The following SCFD2 variants were observed in gnomAD, a reference collection of about 807,000 sequenced individuals.
SCFD2 encodes sec1 family domain containing 2.
Under a neutral mutation model 58.9 loss-of-function variants are expected in SCFD2, and 54 were observed. The observed-to-expected ratio is 0.92, with a 90% CI of 0.74 to 1.15. The LOEUF (loss-of-function observed/expected upper bound fraction) is 1.15. Ranked by LOEUF, SCFD2 falls within the 50% of genes most tolerant of loss-of-function variation. SCFD2 has a pLI of 0.00. For synonymous variants in SCFD2, 321 were observed against 335.9 expected (o/e 0.96, Z 0.49); for missense variants, 805 against 836.6 (o/e 0.96, Z 0.47).
At chr4:53,318,465 T>A (rs1732927972) in intron 2 of SCFD2, among the ~76,000 whole-genome samples, 1 of 152,168 alleles carries the variant, frequency 6.6e-6, no homozygotes, top group Non-Finnish European at 1.5e-5. Flanking sequence ...CATCTTTATA[T>A]CTTCAGCAGG....
intron 5 of SCFD2, among the ~76,000 whole-genome samples, chr4:52,930,702 GT>G (rs1289368721): frequency 6.6e-6 from 1 of 152,178 alleles, no homozygotes; most frequent in African/African-American, 2.4e-5. Flanking sequence ...TAAGGGAAGT[GT>G]GGAGAACTAT....
At chr4:53,278,832 C>T (rs1435236507) in intron 3 of SCFD2, among the ~76,000 whole-genome samples, 1 of 150,412 alleles carries the variant, frequency 6.6e-6, no homozygotes, top group East Asian at 1.9e-4. Context: ...TCCTAAAAAT[C>T]CCTAAGAGGC....
chr4:53,142,792 C>T (rs573604591), intron 5 of SCFD2, among the ~76,000 whole-genome samples: 2 of 152,176 alleles, frequency 1.3e-5, no homozygotes, highest in East Asian at 3.9e-4. Context: ...CTATACTGGC[C>T]AAGTAAGTCT....
At chr4:53,243,246 A>C (rs1360309565) in intron 4 of SCFD2, among the ~76,000 whole-genome samples, 1 of 152,198 alleles carries the variant, frequency 6.6e-6, no homozygotes, top group Non-Finnish European at 1.5e-5. Flanking sequence ...TAGGTCACCT[A>C]TACAGGGAAG....
At chr4:52,920,350 C>T (rs767538739) in intron 6 of SCFD2, among the ~76,000 whole-genome samples, 13 of 152,196 alleles carry the variant, frequency 8.5e-5, no homozygotes, top group South Asian at 6.2e-4. Flanking sequence ...AAAATGTTTA[C>T]GGACTGGTTA....
At chr4:53,317,574 C>T (rs1388608540) in intron 2 of SCFD2, among the ~76,000 whole-genome samples, 1 of 152,178 alleles carries the variant, frequency 6.6e-6, no homozygotes, top group East Asian at 1.9e-4. Flanking sequence ...GCGGATTATA[C>T]GTAAATCTTT....
At chr4:53,267,550 G>GT (rs901211624) in intron 4 of SCFD2, among the ~76,000 whole-genome samples, 4 of 152,170 alleles carry the variant, frequency 2.6e-5, no homozygotes, top group African/African-American at 9.6e-5. Context: ...TATTTTAAAT[G>GT]TTTACTTCTT....
At chr4:52,990,145 T>C (rs144807861) in intron 5 of SCFD2, among the ~76,000 whole-genome samples, 171 of 152,160 alleles carry the variant, frequency 1.1e-3, no homozygotes, top group Non-Finnish European at 1.9e-3. Context: ...GAAGCAGGGG[T>C]CAAAAATGAA....
intron 5 of SCFD2, among the ~76,000 whole-genome samples, chr4:53,125,342 CAT>C (rs1240087710): frequency 6.6e-6 from 1 of 152,168 alleles, no homozygotes. Flanking sequence ...CTTCTTCCAG[CAT>C]ATTATAACAC....
intron 4 of SCFD2, among the ~76,000 whole-genome samples, chr4:53,224,474 C>T (rs1577862655): frequency 6.6e-6 from 1 of 152,198 alleles, no homozygotes; most frequent in East Asian, 1.9e-4. Flanking sequence ...TGTAAGAAGT[C>T]TGAATACCCT....
intron 5 of SCFD2, among the ~76,000 whole-genome samples, chr4:53,066,628 T>C (rs1448039256): frequency 6.6e-6 from 1 of 152,090 alleles, no homozygotes; most frequent in South Asian, 2.1e-4. Context: ...AGGCTTTTTT[T>C]AGTGATCTGG....
chr4:53,127,743 G>A (rs565330575), intron 5 of SCFD2, among the ~76,000 whole-genome samples: 1 of 152,074 alleles, frequency 6.6e-6, no homozygotes, highest in Non-Finnish European at 1.5e-5. Context: ...CTGTGTCTGG[G>A]ACAGAGGGAA....
At chr4:53,081,635 T>C (rs1201454121) in intron 5 of SCFD2, among the ~76,000 whole-genome samples, 3 of 152,224 alleles carry the variant, frequency 2.0e-5, no homozygotes, top group African/African-American at 7.2e-5. Context: ...GTTCATTGAT[T>C]TTTATAGGTT....
rs1365508048 is a variant in SCFD2, at chr4:52,963,375, C to T, written c.1562-42505G>A. Among the ~76,000 whole-genome samples the T allele has an allele frequency of 3.3e-5, 5 of 152,334 alleles. No individual in the cohort carries two copies. In the East Asian group the frequency reaches 9.6e-4, roughly 29 times the overall value. ...CACCCTACTGCTTTAAAAATGTTCA[C>T]ATATACTTCATTCTTTTGCATTAAG... On this transcript the variant is annotated intron_variant, in intron 5 of 8. Coordinates refer to ENST00000401642, the MANE Select transcript of SCFD2 (RefSeq NM_152540.4).
chr4:53,294,971 G>C (rs1228319063), intron 3 of SCFD2, among the ~76,000 whole-genome samples: 1 of 152,098 alleles, frequency 6.6e-6, no homozygotes, highest in Non-Finnish European at 1.5e-5. Context: ...CTATTTCTGA[G>C]GCCTCTGTTC....
intron 5 of SCFD2, among the ~76,000 whole-genome samples, chr4:53,002,179 C>A (rs759706056): frequency 1.3e-5 from 2 of 152,020 alleles, no homozygotes; most frequent in African/African-American, 4.8e-5. Context: ...GAGAAACACA[C>A]GAATAAGGGG....
chr4:53,276,914 T>G (rs906853278), intron 3 of SCFD2, among the ~76,000 whole-genome samples: 3 of 152,236 alleles, frequency 2.0e-5, no homozygotes, highest in African/African-American at 7.2e-5. Context: ...ATTTTCCTAA[T>G]GACTAATGAT....
chr4:53,302,756 T>C (rs1023941975), intron 3 of SCFD2, among the ~76,000 whole-genome samples: 14 of 152,088 alleles, frequency 9.2e-5, no homozygotes, highest in Non-Finnish European at 1.9e-4. Context: ...AACAGACATA[T>C]AGACCAATGG....
At chr4:53,258,419 T>C (rs1212519826) in intron 4 of SCFD2, among the ~76,000 whole-genome samples, 3 of 151,778 alleles carry the variant, frequency 2.0e-5, no homozygotes, top group Admixed American at 6.6e-5. Context: ...CATAAGATGT[T>C]TGGTTTTCCA....
Sources: gnomAD v4.1 joint callset for allele counts (sites outside exome capture counted in the v4.1 genomes callset) on GRCh38, gnomAD v4.1.1 for gene constraint, MANE v1.5 for transcripts, NCBI Gene and HGNC (gene_info 2026-07-23, HGNC 2026-07-21) for gene names.